SEMA3A: variants seen among roughly 807,000 people sequenced by gnomAD.
SEMA3A encodes semaphorin-3A.
Under a neutral mutation model 97.9 loss-of-function variants are expected in SEMA3A, and 29 were observed. The observed-to-expected ratio is 0.30, with a 90% CI of 0.22 to 0.40. The LOEUF is 0.40. Among genes scored for constraint, SEMA3A ranks in the 10% least tolerant of loss-of-function variants. The pLI is 1.00. For synonymous variants in SEMA3A, 321 were observed against 323.7 expected (o/e 0.99, Z 0.09); for missense variants, 763 against 951.3 (o/e 0.80, Z 2.60).
At chr7:84,430,781 C>T (rs912499209) in intron 1 of SEMA3A, among the ~76,000 whole-genome samples, 5 of 141,768 alleles carry the variant, frequency 3.5e-5, no homozygotes, top group Admixed American at 1.5e-4. Flanking sequence ...ACCTACACAA[C>T]ATAAAATTTG....
intron 2 of SEMA3A, among the ~76,000 whole-genome samples, chr7:84,367,580 T>G (rs1222751365): frequency 1.3e-5 from 2 of 150,768 alleles, no homozygotes; most frequent in Admixed American, 6.7e-5. Flanking sequence ...TTCCAGTTAC[T>G]TCAGAGAAAG....
intron 3 of SEMA3A, among the ~76,000 whole-genome samples, chr7:84,261,409 A>G (rs1219779482): frequency 6.6e-6 from 1 of 152,182 alleles, no homozygotes; most frequent in Non-Finnish European, 1.5e-5. Flanking sequence ...GGGTGATGAG[A>G]AGGAAAAAAA....
intron 3 of SEMA3A, among the ~76,000 whole-genome samples, chr7:84,304,935 T>C (rs1351318638): frequency 6.6e-6 from 1 of 152,012 alleles, no homozygotes. Flanking sequence ...ATGCTTGAAA[T>C]CTTTATTATG....
intron 2 of SEMA3A, among the ~76,000 whole-genome samples, chr7:84,361,765 T>A (rs1002752265): frequency 2.0e-4 from 31 of 151,990 alleles, no homozygotes; most frequent in Admixed American, 1.2e-3. Context: ...ATGACATAAT[T>A]AAAAGGGTCA....
intron 6 of SEMA3A, among the ~76,000 whole-genome samples, chr7:84,035,758 T>A (rs116170243): frequency 0.041 from 6,267 of 152,106 alleles, 144 homozygotes; most frequent in Middle Eastern, 0.088. Flanking sequence ...CTGTTTCTGG[T>A]TTCTCCCCAC....
chr7:84,294,287 G>A (rs889840731), intron 3 of SEMA3A, among the ~76,000 whole-genome samples: 2 of 151,878 alleles, frequency 1.3e-5, no homozygotes, highest in Admixed American at 6.6e-5. Flanking sequence ...AACACTGATT[G>A]GCTTCCCCAC....
intron 2 of SEMA3A, among the ~76,000 whole-genome samples, chr7:84,357,400 T>C (rs1485452480): frequency 1.3e-5 from 2 of 151,664 alleles, no homozygotes; most frequent in African/African-American, 4.8e-5. Flanking sequence ...GTTTTCTGTC[T>C]TTGCGATAGT....
At chr7:84,406,864 A>G (rs893840474) in intron 1 of SEMA3A, among the ~76,000 whole-genome samples, 8 of 152,230 alleles carry the variant, frequency 5.3e-5, no homozygotes, top group African/African-American at 1.9e-4. Context: ...CTTCGTGATA[A>G]AAACTCTCAA....
At chr7:84,487,188 TG>T (rs1315012965) in intron 1 of SEMA3A, among the ~76,000 whole-genome samples, 1 of 152,054 alleles carries the variant, frequency 6.6e-6, no homozygotes, top group Non-Finnish European at 1.5e-5. Flanking sequence ...GGGCTAGAAA[TG>T]AAAAAATATT....
intron 3 of SEMA3A, among the ~76,000 whole-genome samples, chr7:84,273,207 A>G (rs920268407): frequency 6.6e-6 from 1 of 152,144 alleles, no homozygotes; most frequent in Non-Finnish European, 1.5e-5. Flanking sequence ...AAAAAATTGT[A>G]CTATACTATC....
chr7:84,293,554 T>C (rs1800800845), intron 3 of SEMA3A, among the ~76,000 whole-genome samples: 1 of 152,002 alleles, frequency 6.6e-6, no homozygotes, highest in Non-Finnish European at 1.5e-5. Flanking sequence ...TTGTTAAAAA[T>C]CTTAATTTTA....
intron 2 of SEMA3A, among the ~76,000 whole-genome samples, chr7:84,356,643 T>C (rs932941202): frequency 2.6e-5 from 4 of 151,948 alleles, no homozygotes; most frequent in African/African-American, 9.7e-5. Flanking sequence ...AAATATGCAG[T>C]TTGAAAAGCC....
chr7:84,386,266 T>C (rs990792821), intron 1 of SEMA3A, among the ~76,000 whole-genome samples: 28 of 152,196 alleles, frequency 1.8e-4, no homozygotes, highest in African/African-American at 6.3e-4. Context: ...TTATTTCTGA[T>C]TCATTCCAAA....
At chr7:84,487,834 A>G (rs1476817312) in intron 1 of SEMA3A, among the ~76,000 whole-genome samples, 1 of 152,160 alleles carries the variant, frequency 6.6e-6, no homozygotes, top group Non-Finnish European at 1.5e-5. Context: ...TGACTTTATA[A>G]ATGCTGATCA....
intron 1 of SEMA3A, among the ~76,000 whole-genome samples, chr7:84,160,578 A>G (rs2116162867): frequency 6.6e-6 from 1 of 151,398 alleles, no homozygotes; most frequent in East Asian, 2.0e-4. Context: ...AAACAAACAA[A>G]CAAAAAAATT....
chr7:84,382,714 A>C, intron 1 of SEMA3A, among the ~76,000 whole-genome samples: 1 of 99,152 alleles, frequency 1.0e-5, no homozygotes, highest in African/African-American at 3.6e-5. Context: ...AAAAAAAAAA[A>C]AAAAAAAAAA....
chr7:84,411,567 T>TTA (rs60469024), intron 1 of SEMA3A, among the ~76,000 whole-genome samples: 34,918 of 149,130 alleles, frequency 0.23, 5,717 homozygotes, highest in East Asian at 0.78. Flanking sequence ...TTGGGTATAA[T>TTA]TATATATATA....
chr7:84,157,444 G>A (rs1796877579), intron 1 of SEMA3A, among the ~76,000 whole-genome samples: 1 of 151,202 alleles, frequency 6.6e-6, no homozygotes. Context: ...TGTTGTTATC[G>A]TTGATGACCA....
At chr7:84,151,182 C>T (rs1796654108) in intron 1 of SEMA3A, among the ~76,000 whole-genome samples, 1 of 151,900 alleles carries the variant, frequency 6.6e-6, no homozygotes, top group Non-Finnish European at 1.5e-5. Context: ...AATCAGAGCG[C>T]CTCTCCTCCT....
Sources: allele counts gnomAD v4.1 joint callset (sites outside exome capture counted in the v4.1 genomes callset), GRCh38; gene constraint gnomAD v4.1.1; transcripts MANE v1.5; gene names NCBI Gene and HGNC (gene_info 2026-07-23, HGNC 2026-07-21).